The following CTNNA3 variants were observed in gnomAD, a reference collection of about 807,000 sequenced individuals.
CTNNA3 encodes catenin alpha-3.
CTNNA3 carries 76 observed loss-of-function variants against 95.7 expected under a neutral mutation model. The observed-to-expected ratio is 0.79, with a 90% CI of 0.66 to 0.96. The LOEUF (loss-of-function observed/expected upper bound fraction) is 0.96. CTNNA3 is among the 40% of genes least tolerant of loss of function. The pLI, the probability that CTNNA3 is intolerant of heterozygous loss-of-function variation, is 0.00. For missense variants in CTNNA3, 1,191 were observed against 1,089.8 expected (o/e 1.09, Z -1.31); for synonymous variants, 431 against 374.4 (o/e 1.15, Z -1.74).
intron 16 of CTNNA3, among the ~76,000 whole-genome samples, chr10:65,984,922 TAATC>T (rs1409089329): frequency 1.3e-5 from 2 of 151,224 alleles, no homozygotes. Context: ...TTCAGTCACA[TAATC>T]AAACTCAGAA....
intron 13 of CTNNA3, among the ~76,000 whole-genome samples, chr10:66,118,542 T>C (rs1311160631): frequency 1.3e-5 from 2 of 152,218 alleles, no homozygotes; most frequent in Non-Finnish European, 2.9e-5. Flanking sequence ...AATAATCTTT[T>C]CTTCCCTTCT....
intron 17 of CTNNA3, among the ~76,000 whole-genome samples, chr10:65,966,169 C>G (rs182171919): frequency 1.3e-5 from 2 of 152,048 alleles, no homozygotes; most frequent in African/African-American, 4.8e-5. Flanking sequence ...TGAAAAATCT[C>G]AAGACATGAA....
intron 15 of CTNNA3, among the ~76,000 whole-genome samples, chr10:66,010,984 G>T (rs1212448425): frequency 1.3e-5 from 2 of 152,176 alleles, no homozygotes; most frequent in African/African-American, 2.4e-5. Flanking sequence ...GCAATGAATA[G>T]GTTAATGTCA....
chr10:67,700,144 C>A (rs112872703), upstream of CTNNA3, among the ~76,000 whole-genome samples: 2 of 152,254 alleles, frequency 1.3e-5, no homozygotes, highest in African/African-American at 4.8e-5. Flanking sequence ...GTGGAGCCCA[C>A]CACAGCTCAA....
At chr10:67,258,035 T>TTA (rs1482520341) in intron 5 of CTNNA3, among the ~76,000 whole-genome samples, 3 of 152,216 alleles carry the variant, frequency 2.0e-5, no homozygotes, top group Non-Finnish European at 4.4e-5. Context: ...GCCAGTCACC[T>TTA]GGGTTTCAGA....
intron 13 of CTNNA3, among the ~76,000 whole-genome samples, chr10:66,106,387 A>G (rs1737194640): frequency 1.4e-5 from 2 of 145,230 alleles, no homozygotes; most frequent in South Asian, 4.4e-4. Context: ...GTTTCTAATC[A>G]ATTTCATTCT....
intron 7 of CTNNA3, among the ~76,000 whole-genome samples, chr10:66,981,246 G>A (rs1476478009): frequency 6.6e-6 from 1 of 152,154 alleles, no homozygotes; most frequent in Admixed American, 6.5e-5. Flanking sequence ...TCAATATCCT[G>A]ACTACAGTTA....
At chr10:66,157,411 A>G (rs2084572021) in intron 13 of CTNNA3, among the ~76,000 whole-genome samples, 1 of 97,196 alleles carries the variant, frequency 1.0e-5, no homozygotes, top group Admixed American at 9.4e-5. Context: ...TATCATAGAT[A>G]GGTAGGTAGG....
chr10:67,473,661 C>G (rs749188561), intron 5 of CTNNA3, among the ~76,000 whole-genome samples: 6 of 151,764 alleles, frequency 4.0e-5, no homozygotes, highest in Non-Finnish European at 7.4e-5. Context: ...CAGACTGAAC[C>G]AACTGCAGAT....
intron 11 of CTNNA3, among the ~76,000 whole-genome samples, chr10:66,477,808 G>A (rs1315503615): frequency 6.6e-6 from 1 of 151,916 alleles, no homozygotes; most frequent in Non-Finnish European, 1.5e-5. Context: ...TCTCAACCAG[G>A]ATCTACATTC....
intron 9 of CTNNA3, among the ~76,000 whole-genome samples, chr10:66,666,523 GGTAT>G (rs1467668779): frequency 1.3e-5 from 2 of 152,114 alleles, no homozygotes; most frequent in South Asian, 2.1e-4. Flanking sequence ...CTTGAACATA[GGTAT>G]AATAAGGACA....
chr10:67,369,412 T>C (rs1166234961), intron 5 of CTNNA3, among the ~76,000 whole-genome samples: 1 of 152,198 alleles, frequency 6.6e-6, no homozygotes, highest in East Asian at 1.9e-4. Flanking sequence ...GATTTGCTTG[T>C]AGAAAGTGCA....
chr10:67,470,869 C>T (rs1242122868), intron 5 of CTNNA3, among the ~76,000 whole-genome samples: 2 of 152,320 alleles, frequency 1.3e-5, no homozygotes, highest in African/African-American at 4.8e-5. Context: ...CAGTCTTGAC[C>T]TCCCAGGATA....
In CTNNA3 at chr10:65,919,274, C is replaced by T. The variant is rs2077046085; in HGVS notation, c.*1056G>A. The T allele has an allele frequency of 6.6e-6, 1 of 152,130 alleles. No individual in the cohort carries two copies. The allele number at this position is 152,130 out of a possible 1,614,324, so 9.4% of individuals were successfully genotyped here. ...AGTGACTGGAGTTGTAAAATGACCC[C>T]AGTGACTTTTATTTAAAAGAACGTT... On this transcript the variant is annotated 3_prime_UTR_variant, in exon 18 of 18. Coordinates refer to ENST00000433211, the MANE Select transcript of CTNNA3 (RefSeq NM_013266.4).
At chr10:66,634,572 G>GGTGTGTGTGTGTGTGTGTGTGT (rs59187647) in intron 9 of CTNNA3, among the ~76,000 whole-genome samples, 32 of 146,182 alleles carry the variant, frequency 2.2e-4, no homozygotes, top group Admixed American at 8.9e-4. Flanking sequence ...CTCTGTGCAT[G>GGTGTGTGTGTGTGTGTGTGTGT]GTGTGTGTGT....
At chr10:67,509,384 C>T (rs1032696290) in intron 5 of CTNNA3, among the ~76,000 whole-genome samples, 1 of 152,002 alleles carries the variant, frequency 6.6e-6, no homozygotes, top group Non-Finnish European at 1.5e-5. Flanking sequence ...ATGTTCCCTG[C>T]CCTGTGTCCA....
chr10:65,990,383 CA>C (rs2078518258), intron 15 of CTNNA3, among the ~76,000 whole-genome samples: 1 of 148,678 alleles, frequency 6.7e-6, no homozygotes, highest in Non-Finnish European at 1.5e-5. Context: ...ATACCTTTGC[CA>C]GCATCTGTTT....
intron 17 of CTNNA3, among the ~76,000 whole-genome samples, chr10:65,926,238 G>A (rs1248188969): frequency 1.3e-5 from 2 of 151,278 alleles, no homozygotes; most frequent in African/African-American, 4.8e-5. Context: ...ACTATTAATA[G>A]GCTTTTAGGT....
At chr10:66,893,330 A>G (rs998039377) in intron 7 of CTNNA3, among the ~76,000 whole-genome samples, 11 of 152,090 alleles carry the variant, frequency 7.2e-5, no homozygotes, top group African/African-American at 2.7e-4. Context: ...ATAAACTAAC[A>G]AGTGATCCCC....
Sources: allele counts gnomAD v4.1 joint callset (sites outside exome capture counted in the v4.1 genomes callset), GRCh38; gene constraint gnomAD v4.1.1; transcripts MANE v1.5; gene names NCBI Gene and HGNC (gene_info 2026-07-23, HGNC 2026-07-21).